MASTL: variants seen among roughly 807,000 people sequenced by gnomAD.
MASTL encodes the protein microtubule associated serine/threonine kinase like.
MASTL carries 54 observed loss-of-function variants against 82.5 expected under a neutral mutation model. That is an observed-to-expected ratio of 0.65 (90% CI 0.53 to 0.82). The LOEUF (loss-of-function observed/expected upper bound fraction) is 0.82. MASTL is among the 40% of genes least tolerant of loss of function. The pLI, the probability that MASTL is intolerant of heterozygous loss-of-function variation, is 0.00. For missense variants in MASTL, 950 were observed against 1,047.8 expected (o/e 0.91, Z 1.29); for synonymous variants, 323 against 368.9 (o/e 0.88, Z 1.43).
In MASTL at chr10:27,159,068, G is replaced by T. The variant is rs1403271391; in HGVS notation, c.324+382G>T. On this transcript the variant is annotated intron_variant, in intron 2 of 11. Coordinates refer to ENST00000375940, the MANE Select transcript of MASTL (RefSeq NM_001172303.3). This position sits in a 1 kb window ranked among gnomAD's most constrained non-coding sequence, Gnocchi z 4.0. Reference sequence around the variant, plus strand: ...ATTAAAGTAAAAATTAGCTGGGCATGGTGGTATGCAGCTAGCTAATAGAGA... The same window carrying T: ...ATTAAAGTAAAAATTAGCTGGGCATTGTGGTATGCAGCTAGCTAATAGAGA... Among the ~76,000 whole-genome samples, 1 of 152,168 alleles carries T rather than the reference G, an allele frequency of 6.6e-6. No individual in the cohort carries two copies. Among genetic ancestry groups the T allele is most frequent in the Non-Finnish European group, 1.5e-5 (1 of 68,026 alleles).
rs1423429978 is a variant in MASTL at position 27,164,685 on chromosome 10, C to T, written c.554-379C>T. ...TAGAGTTTTGCTCTGTCGCCCTGGT[C>T]GGAGTGCAGTAGCGCGATCTCGGCT... is the stretch of plus-strand genomic sequence containing the variant. On this transcript the variant is annotated intron_variant, in intron 4 of 11. Transcript: ENST00000375940. Among the ~76,000 whole-genome samples the T allele has an allele frequency of 2.0e-5, 3 of 151,890 alleles. No individual in the cohort carries two copies. In the South Asian group the frequency reaches 6.2e-4, roughly 32 times the overall value.
rs71386919 is a variant in MASTL at position 27,171,410 on chromosome 10, A to AATTATTATTATT, written c.2124+358_2124+369dup. ...ATCCCCACAGTACTATGAGTTACAA[A>AATTATTATTATT]ATTATTATTATTATTATTATTATTA... On this transcript the variant is annotated intron_variant, in intron 8 of 11. Coordinates refer to ENST00000375940, the MANE Select transcript of MASTL (RefSeq NM_001172303.3). 2.5e-3 allele frequency among the ~76,000 whole-genome samples: 366 copies of AATTATTATTATT among 144,764 alleles called. 1 individual carries two copies. The highest frequency in any genetic ancestry group is 0.014 in the South Asian group (63 of 4,508). The allele number at this position is 144,764 out of a possible 152,430, so 95.0% of individuals were successfully genotyped here. A position where few individuals can be genotyped will look rare whatever the true frequency, so the allele number is the denominator to read the frequency against.
intron 11 of MASTL, among the ~76,000 whole-genome samples, chr10:27,185,618 C>CA (rs34847161): frequency 0.56 from 54,847 of 98,434 alleles, 15,783 homozygotes; most frequent in Non-Finnish European, 0.67. Flanking sequence ...AGGTGACAGA[C>CA]AAAAAAAAAA....
At chr10:27,154,582 T>G (rs1588627474), upstream of MASTL, 5 of 376,384 alleles carry the variant, frequency 1.3e-5, no homozygotes, top group Non-Finnish European at 1.9e-5. Flanking sequence ...GTTTTTTTTT[T>G]TTTTGGAGAC....
chr10:27,183,623 T>C (rs2058457513), intron 11 of MASTL, among the ~76,000 whole-genome samples: 1 of 152,174 alleles, frequency 6.6e-6, no homozygotes, highest in Non-Finnish European at 1.5e-5. Context: ...AATGCATTTC[T>C]TTATCAAGTA....
Position 27,171,112 on chromosome 10 carries a change from T to G in MASTL, c.2124+29T>G, listed in dbSNP as rs778599914. 3 of 1,599,882 alleles carry G rather than the reference T, an allele frequency of 1.9e-6. No individual in the cohort carries two copies. In the East Asian group the frequency reaches 6.7e-5, roughly 36 times the overall value. On this transcript the variant is annotated intron_variant, in intron 8 of 11. Coordinates refer to ENST00000375940, the MANE Select transcript of MASTL (RefSeq NM_001172303.3). ...TATTTATAACTTTCTAATACTGTTT[T>G]TTGGATTTTAGAAAAACTATGAAGA...
chr10:27,168,633 A>G (rs1293184197), intron 7 of MASTL, among the ~76,000 whole-genome samples: 1 of 152,104 alleles, frequency 6.6e-6, no homozygotes, highest in East Asian at 1.9e-4. Context: ...CCTGGCCAAC[A>G]TGGCAAAACC....
Position 27,155,387 on chromosome 10 carries a change from G to C in MASTL, c.-40G>C. The stretch of plus-strand genomic sequence containing the variant: ...CAGTTGGCGGGAGTGGCTGCTCGCG[G>C]AGGGGCAGTGTCTGCGGGGCCGCTG... On this transcript the variant is annotated 5_prime_UTR_variant, in exon 1 of 12. Coordinates refer to ENST00000375940, the MANE Select transcript of MASTL (RefSeq NM_001172303.3). 1 of 1,556,206 alleles carries C rather than the reference G, an allele frequency of 6.4e-7. No individual in the cohort carries two copies. Among genetic ancestry groups the C allele is most frequent in the Non-Finnish European group, 8.7e-7 (1 of 1,150,740 alleles).
At chr10:27,182,635 T>C (rs1316713115) in intron 11 of MASTL, among the ~76,000 whole-genome samples, 1 of 152,054 alleles carries the variant, frequency 6.6e-6, no homozygotes, top group Non-Finnish European at 1.5e-5. Flanking sequence ...TTCCAGCTAC[T>C]TGGGGGCTTA....
chr10:27,177,687 C>T (rs1191355165), intron 9 of MASTL: 2 of 191,808 alleles, frequency 1.0e-5, no homozygotes, highest in Admixed American at 6.5e-5. Context: ...TCTTAATCGT[C>T]TTTGTATCCT....
rs2058307526 is a variant in MASTL at position 27,181,552 on chromosome 10, T to C, written c.2453T>C (p.Ile818Thr). 6.2e-7 allele frequency: 1 copy of C among 1,612,020 alleles called. No individual in the cohort carries two copies. Among genetic ancestry groups the C allele is most frequent in the African/African-American group, 1.3e-5 (1 of 74,908 alleles). ...AQSAVEILLTIDDTKRAGMKE... is the reference protein window; with the variant it reads ...AQSAVEILLTTDDTKRAGMKE... ...AGTGCAGTAGAAATACTTTTAACCA[T>C]TGATGATACAAAGAGAGCTGGAATG... Residue 818 changes from isoleucine to threonine, a missense_variant, in exon 11 of 12, where the codon ATT (isoleucine) becomes ACT (threonine). Ile to Thr is a moderately conservative substitution (Grantham distance 89). Transcript: ENST00000375940.
In MASTL at chr10:27,170,926, G is replaced by C. The variant is rs563122532; in HGVS notation, c.1967G>C (p.Arg656Pro). 1.2e-5 allele frequency: 20 copies of C among 1,613,952 alleles called. No individual in the cohort carries two copies. Among genetic ancestry groups the C allele is most frequent in the African/African-American group, 1.3e-5 (1 of 74,894 alleles). The change falls in exon 8 of 12, where the codon CGA becomes CCA. Residue 656 changes from arginine to proline, a missense_variant. Arg to Pro is a moderately radical substitution (Grantham distance 103). Coordinates refer to ENST00000375940, the MANE Select transcript of MASTL (RefSeq NM_001172303.3). ...TCTAAAAGAAATGCTGTTGCTTTTC[G>C]AAGTTTTAACAGTCATATTAATGCA... ...LASKRNAVAFRSFNSHINASN... is the reference protein window; with the variant it reads ...LASKRNAVAFPSFNSHINASN...
chr10:27,185,686 G>A (rs945786722), intron 11 of MASTL, among the ~76,000 whole-genome samples: 2 of 151,630 alleles, frequency 1.3e-5, no homozygotes, highest in African/African-American at 4.9e-5. Flanking sequence ...TACTTGGGAG[G>A]CTGAGGCACG....
In MASTL at chr10:27,171,000, A is replaced by G. The variant is rs912892795; in HGVS notation, c.2041A>G (p.Met681Val). Residue 681 changes from methionine to valine, a missense_variant, in exon 8 of 12, where the codon ATG becomes GTG. Transcript: ENST00000375940. ...SRMNMTSLDAMDISCAYSGSY... is the reference protein window; with the variant it reads ...SRMNMTSLDAVDISCAYSGSY... ...AATGAACATGACTTCTTTAGATGCAATGGATATTTCGTGTGCCTACAGTGG... is the reference window on the plus strand; with the variant it reads ...AATGAACATGACTTCTTTAGATGCAGTGGATATTTCGTGTGCCTACAGTGG... 3.1e-6 allele frequency: 5 copies of G among 1,614,004 alleles called. No homozygotes were observed. Among genetic ancestry groups the G allele is most frequent in the East Asian group, 2.2e-5 (1 of 44,880 alleles).
At position 27,155,622 on chromosome 10, in the gene MASTL, C is replaced by G. The variant is rs368131582; in HGVS notation, c.186+10C>G. 1.4e-5 allele frequency: 22 copies of G among 1,614,032 alleles called. No homozygotes were observed. In the African/African-American group the frequency reaches 2.7e-4, roughly 20 times the overall value. On this transcript the variant is annotated intron_variant, in intron 1 of 11. Coordinates refer to ENST00000375940, the MANE Select transcript of MASTL (RefSeq NM_001172303.3). ...ATTGTATGCAGTAAAGGTAGGAAGTCAACGAGTAGCAAGGAAGGGGTTAGG... is the reference window on the plus strand; with the variant it reads ...ATTGTATGCAGTAAAGGTAGGAAGTGAACGAGTAGCAAGGAAGGGGTTAGG...
At position 27,181,601 on chromosome 10, in the gene MASTL, C is replaced by T. The variant is rs778512877; in HGVS notation, c.2482+20C>T. 4.6e-6 allele frequency: 7 copies of T among 1,531,646 alleles called. No individual in the cohort carries two copies. The South Asian group carries it at 6.7e-5, about 15-fold the overall frequency. The allele number at this position is 1,531,646 out of a possible 1,614,324, so 94.9% of individuals were successfully genotyped here. A position where few individuals can be genotyped will look rare whatever the true frequency, so the allele number is the denominator to read the frequency against. On this transcript the variant is annotated intron_variant, in intron 11 of 11. Transcript: ENST00000375940. ...TGAAAGGTATGGTTTTGTGTTAATA[C>T]ATTGTTTTACCATTGATTTTTTGCA...
chr10:27,165,857 C>T (rs564243232), intron 6 of MASTL, among the ~76,000 whole-genome samples: 3 of 150,764 alleles, frequency 2.0e-5, no homozygotes, highest in East Asian at 4.0e-4. Flanking sequence ...GCCTTAATAG[C>T]GCCATTGCAC....
In MASTL at chr10:27,170,360, G is replaced by A; in HGVS notation, c.1401G>A (p.Glu467=). ...TACAGAATAAAAAAACTTGTGTAGA[G>A]TATAAGCATAACGAAATGACAAATT... ...KIIQNKKTCV[E]YKHNEMTNCY... The change falls in exon 8 of 12, where the codon GAG becomes GAA. Residue 467 remains glutamate (E), a synonymous_variant. Transcript: ENST00000375940. 6.2e-7 allele frequency: 1 copy of A among 1,613,794 alleles called. No individual in the cohort carries two copies. The highest frequency in any genetic ancestry group is 8.5e-7 in the Non-Finnish European group (1 of 1,179,748).
chr10:27,181,147 G>A, intron 10 of MASTL, 81 bp downstream of exon 10: 1 of 1,049,192 alleles, frequency 9.5e-7, no homozygotes, highest in Admixed American at 1.7e-5. Flanking sequence ...CACTTTGGGA[G>A]GCCAAGGCGG....
Sources: allele counts gnomAD v4.1 joint callset (sites outside exome capture counted in the v4.1 genomes callset), GRCh38; gene constraint gnomAD v4.1.1; non-coding constraint Gnocchi (gnomAD v3.1); transcripts MANE v1.5; gene names NCBI Gene and HGNC (gene_info 2026-07-23, HGNC 2026-07-21).